IQCE: variants seen among roughly 807,000 people sequenced by gnomAD.
IQCE encodes IQ motif containing E, also known as IQ domain-containing protein E.
A neutral mutation model predicts 96.0 loss-of-function variants in IQCE; 115 were observed. The observed-to-expected ratio is 1.20, with a 90% CI of 1.03 to 1.40. IQCE has a LOEUF of 1.40. Among genes scored for constraint, IQCE ranks in the 40% most tolerant of loss-of-function variants. The pLI is 0.00. For synonymous variants in IQCE, 412 were observed against 371.2 expected (o/e 1.11, Z -1.26); for missense variants, 1,041 against 909.1 (o/e 1.15, Z -1.87).
chr7:2,606,819 GC>G, intron 20 of IQCE, among the ~76,000 whole-genome samples: 1 of 152,288 alleles, frequency 6.6e-6, no homozygotes, highest in East Asian at 1.9e-4. Context: ...TGGCAGCTGG[GC>G]TGACCCAGAC....
chr7:2,563,251 C>T (rs1373159601), intron 1 of IQCE, among the ~76,000 whole-genome samples: 1 of 152,120 alleles, frequency 6.6e-6, no homozygotes, highest in Non-Finnish European at 1.5e-5. Flanking sequence ...GCCTGGAGTG[C>T]AGTGGTGCGA....
rs1165692420 is a variant in IQCE at position 2,590,025 on chromosome 7, A to G, written c.1163A>G (p.Lys388Arg). Reference sequence around the variant, plus strand: ...AGACAGCCACGAGGGGACCGCAACAAGGACCACGAGCGTCTCCGAGGGGCT... The same window carrying G: ...AGACAGCCACGAGGGGACCGCAACAGGGACCACGAGCGTCTCCGAGGGGCT... ...LHRQPRGDRN[K>R]DHERLRGAVR... The change falls in exon 14 of 22, where the codon AAG becomes AGG. Residue 388 changes from lysine to arginine, a missense_variant. Transcript: ENST00000402050. 1.2e-6 allele frequency: 2 copies of G among 1,613,732 alleles called. No individual in the cohort carries two copies. Among genetic ancestry groups the G allele is most frequent in the African/African-American group, 1.3e-5 (1 of 74,940 alleles).
intron 1 of IQCE, among the ~76,000 whole-genome samples, chr7:2,562,300 A>ATATATATATG (rs1363389032): frequency 6.6e-6 from 1 of 151,672 alleles, no homozygotes; most frequent in Non-Finnish European, 1.5e-5. Context: ...ATATATATAT[A>ATATATATATG]TAAAATCCTT....
intron 17 of IQCE, 111 bp downstream of exon 17, chr7:2,598,743 T>G (rs112915184): frequency 0.045 from 42,286 of 942,332 alleles, 1,135 homozygotes; most frequent in South Asian, 0.095. Context: ...AGGCCCCAGG[T>G]GTCTGAGCAC....
chr7:2,577,840 C>T (rs1472560208), intron 6 of IQCE, among the ~76,000 whole-genome samples: 2 of 144,036 alleles, frequency 1.4e-5, no homozygotes, highest in East Asian at 2.1e-4. Context: ...GCGGCGTGCG[C>T]GCATTGGCGT....
At chr7:2,605,152 T>G (rs1784709047) in intron 19 of IQCE, among the ~76,000 whole-genome samples, 161 bp downstream of exon 19, 1 of 152,194 alleles carries the variant, frequency 6.6e-6, no homozygotes, top group African/African-American at 2.4e-5. Flanking sequence ...CCATGCAGGC[T>G]TCTCTGCGCA....
chr7:2,597,064 G>A (rs545139960), intron 16 of IQCE: 8 of 471,266 alleles, frequency 1.7e-5, no homozygotes, highest in Non-Finnish European at 3.1e-5. Context: ...GCGGCGCGTC[G>A]GCCAGGAGGC....
intron 3 of IQCE, among the ~76,000 whole-genome samples, chr7:2,570,093 C>T (rs1302254790): frequency 6.6e-6 from 1 of 152,058 alleles, no homozygotes; most frequent in Non-Finnish European, 1.5e-5. Context: ...AAGTGTTTTT[C>T]TCCAAGGCCT....
intron 9 of IQCE, among the ~76,000 whole-genome samples, chr7:2,583,275 C>G (rs1053946000): frequency 2.6e-5 from 4 of 152,186 alleles, no homozygotes; most frequent in African/African-American, 9.7e-5. Context: ...CTTACAAAAC[C>G]ATCCATTCAA....
Position 2,586,295 on chromosome 7 carries a change from C to T in IQCE, c.912C>T (p.Leu304=), listed in dbSNP as rs374856058. The T allele has an allele frequency of 2.0e-5, 32 of 1,613,902 alleles. No individual in the cohort carries two copies. Among genetic ancestry groups the T allele is most frequent in the Non-Finnish European group, 2.5e-5 (29 of 1,179,962 alleles). The change falls in exon 12 of 22, where the codon CTC becomes CTT. Residue 304 remains leucine, a synonymous_variant. Transcript: ENST00000402050. ...LLSLSRSVQE[L]TEENQSLKED... Reference sequence around the variant, plus strand: ...GCTTGTCCCGGAGTGTCCAGGAGCTCACGGAAGAGAACCAGAGCCTGAAGG... The same window carrying T: ...GCTTGTCCCGGAGTGTCCAGGAGCTTACGGAAGAGAACCAGAGCCTGAAGG...
chr7:2,586,766 G>C (rs1783151141), intron 12 of IQCE, among the ~76,000 whole-genome samples: 1 of 152,216 alleles, frequency 6.6e-6, no homozygotes, highest in African/African-American at 2.4e-5. Flanking sequence ...AGCGGGACCT[G>C]GAAGGGGCGA....
At chr7:2,597,021 A>C in intron 16 of IQCE, 1 of 471,344 alleles carries the variant, frequency 2.1e-6, no homozygotes, top group African/African-American at 2.0e-5. Flanking sequence ...GGTCCCTAGA[A>C]ACAGGAGGCA....
In IQCE at chr7:2,590,063, A is replaced by G; in HGVS notation, c.1201A>G (p.Lys401Glu). The G allele has an allele frequency of 6.2e-7, 1 of 1,613,468 alleles. No homozygotes were observed. The highest frequency in any genetic ancestry group is 8.5e-7 in the Non-Finnish European group (1 of 1,179,918). ...TCTCCGAGGGGCTGTGAGAGACCTG[A>G]AGGAAGAGCGGACCGCGCTGCAGGA... ...ERLRGAVRDL[K>E]EERTALQEQL... is the part of the protein sequence containing the mutation. Residue 401 changes from lysine to glutamate, a missense_variant, in exon 14 of 22, where the codon AAG becomes GAG. Physicochemically the swap from Lys to Glu is moderately conservative, Grantham distance 56. Transcript: ENST00000402050.
chr7:2,608,634 G>C (rs17132503), intron 21 of IQCE, among the ~76,000 whole-genome samples: 6 of 151,980 alleles, frequency 3.9e-5, no homozygotes, highest in Non-Finnish European at 7.4e-5. Context: ...GTTGTTCTCC[G>C]GGAGCCGATT....
chr7:2,591,393 T>C (rs11975740), intron 14 of IQCE, among the ~76,000 whole-genome samples: 2,437 of 152,292 alleles, frequency 0.016, 60 homozygotes, highest in African/African-American at 0.054. Context: ...GTCCTCCTCC[T>C]GTTGATAGCT....
intron 21 of IQCE, 39 bp downstream of exon 21, chr7:2,607,266 G>C (rs764827183): frequency 6.2e-7 from 1 of 1,612,656 alleles, no homozygotes; most frequent in East Asian, 2.2e-5. Context: ...CAGGGCAGCT[G>C]GTCTGCTGAG....
In IQCE at chr7:2,589,887, CAT is replaced by C. The variant is rs756747983; in HGVS notation, c.1045-19_1045-18del. 2.9e-5 allele frequency: 47 copies of C among 1,609,788 alleles called. No homozygotes were observed. Among genetic ancestry groups the C allele is most frequent in the East Asian group, 2.2e-4 (10 of 44,868 alleles). Reference sequence around the variant, plus strand: ...TAGAAATGAGAACTAGTATCTAACACATGTCTGTGTTGCCTCCAGAAACTAAG... The same window carrying C: ...TAGAAATGAGAACTAGTATCTAACACGTCTGTGTTGCCTCCAGAAACTAAG... On this transcript the variant is annotated intron_variant, in intron 13 of 21. Transcript: ENST00000402050.
chr7:2,590,548 T>C (rs988363136), intron 14 of IQCE, among the ~76,000 whole-genome samples: 21 of 152,260 alleles, frequency 1.4e-4, no homozygotes, highest in African/African-American at 4.8e-4. Flanking sequence ...GAGGATTGCT[T>C]GAGGCCAGGA....
rs548821876 is a variant in IQCE, at chr7:2,611,945, G to C, written c.*1783G>C. The C allele has an allele frequency of 3.7e-4, 56 of 152,278 alleles. No individual in the cohort carries two copies. In the South Asian group the frequency reaches 8.3e-3, roughly 23 times the overall value. 9.4% of individuals were successfully genotyped at this position (152,278 alleles called of 1,614,324 possible). ...CACCCGCCCGGGTCCACTCCCTGGGGCGCTGTCCCAAGCCATCCCTGCTTG... is the reference window on the plus strand; with the variant it reads ...CACCCGCCCGGGTCCACTCCCTGGGCCGCTGTCCCAAGCCATCCCTGCTTG... On this transcript the variant is annotated 3_prime_UTR_variant, in exon 22 of 22. Transcript: ENST00000402050.
Sources: gnomAD v4.1 joint callset for allele counts (sites outside exome capture counted in the v4.1 genomes callset) on GRCh38, gnomAD v4.1.1 for gene constraint, MANE v1.5 for transcripts, NCBI Gene and HGNC (gene_info 2026-07-23, HGNC 2026-07-21) for gene names.